Variants in ZNF618 observed in about 807,000 individuals in gnomAD.
ZNF618 encodes the protein zinc finger protein 618.
A neutral mutation model predicts 103.0 loss-of-function variants in ZNF618; 34 were observed. The ratio of observed to expected loss-of-function variants is 0.33; its 90% CI spans 0.25 to 0.44. ZNF618 has a LOEUF of 0.44. Ranked by LOEUF, ZNF618 falls within the 20% of genes least tolerant of loss-of-function variation. The pLI, the probability that ZNF618 is intolerant of heterozygous loss-of-function variation, is 1.00. For synonymous variants in ZNF618, 551 were observed against 542.2 expected, an observed-to-expected ratio of 1.02 and a Z score of -0.23; for missense variants, 1,059 against 1,295.4, an observed-to-expected ratio of 0.82 and a Z score of 2.80.
Position 114,049,421 on chromosome 9 carries a change from C to T in ZNF618, c.2119C>T (p.Arg707Cys), listed in dbSNP as rs368835232. The change falls in exon 15 of 15, where the codon CGC becomes TGC. Residue 707 changes from arginine (R) to cysteine (C), a missense_variant. By Grantham distance (180) the Arg-to-Cys change is radical. This residue lies in a region of ZNF618 where 272 missense variants were observed against 380.1 expected (regional missense o/e 0.72). Coordinates refer to ENST00000374126, the MANE Select transcript of ZNF618 (RefSeq NM_001318042.2). ...VTDSLLLVHERYEQICEFYSR... is the reference protein window; with the variant it reads ...VTDSLLLVHECYEQICEFYSR... ...GGACTCACTGTTGCTGGTGCATGAG[C>T]GCTATGAGCAGATCTGCGAGTTCTA... 1.9e-6 allele frequency: 3 copies of T among 1,603,452 alleles called. No homozygotes were observed. Among genetic ancestry groups the T allele is most frequent in the Non-Finnish European group, 1.7e-6 (2 of 1,175,248 alleles).
chr9:114,050,250 A>C lies in ZNF618; in HGVS notation c.*83A>C, dbSNP rs1846034247. ...CACAACACTGTCACAAAGAAAAGGA[A>C]TTTAAGTTCTAAACACTGTGGACCT... On this transcript the variant is annotated 3_prime_UTR_variant, in exon 15 of 15. Transcript: ENST00000374126. 4.1e-6 allele frequency: 6 copies of C among 1,464,382 alleles called. No individual in the cohort carries two copies. The highest frequency in any genetic ancestry group is 5.4e-6 in the Non-Finnish European group (6 of 1,102,732). 90.7% of individuals were successfully genotyped at this position (1,464,382 alleles called of 1,614,324 possible). A position where few individuals can be genotyped will look rare whatever the true frequency, so the allele number is the denominator to read the frequency against.
At chr9:114,039,340 GTTT>G (rs968810244) in intron 13 of ZNF618, among the ~76,000 whole-genome samples, 1 of 104,742 alleles carries the variant, frequency 9.5e-6, no homozygotes, top group Admixed American at 9.7e-5. Flanking sequence ...TTTCTTGTTT[GTTT>G]TTTTTTTTTT....
At chr9:113,889,346 T>TCCC (rs67471128) in intron 1 of ZNF618, among the ~76,000 whole-genome samples, 5 of 144,696 alleles carry the variant, frequency 3.5e-5, no homozygotes, top group East Asian at 3.1e-4. Context: ...TCTCTCTCTC[T>TCCC]TTCTCTCCCT....
intron 12 of ZNF618, among the ~76,000 whole-genome samples, chr9:114,033,389 AAGAGAG>A (rs10624141): frequency 0.024 from 3,603 of 147,132 alleles, 130 homozygotes; most frequent in African/African-American, 0.077. Flanking sequence ...CTGTCTCAAA[AAGAGAG>A]AGAGAGAGAG....
At chr9:113,878,716 TTGA>T (rs1828201094) in intron 1 of ZNF618, among the ~76,000 whole-genome samples, 1 of 152,152 alleles carries the variant, frequency 6.6e-6, no homozygotes, top group Non-Finnish European at 1.5e-5. Context: ...GGATTGGAAA[TTGA>T]TGGTGGGTCA....
chr9:113,909,893 T>G (rs1005242917), intron 1 of ZNF618, among the ~76,000 whole-genome samples: 1 of 152,096 alleles, frequency 6.6e-6, no homozygotes, highest in African/African-American at 2.4e-5. Flanking sequence ...CAAGTGATTC[T>G]TCTGCCTCAG....
chr9:114,002,533 C>T, intron 5 of ZNF618, 91 bp from the exon 6 acceptor site: 2 of 1,433,374 alleles, frequency 1.4e-6, no homozygotes, highest in Non-Finnish European at 1.9e-6. Context: ...AGCTCTTCCC[C>T]TGTGGCTTCC....
chr9:113,890,784 A>G (rs796765751), intron 1 of ZNF618, among the ~76,000 whole-genome samples: 18 of 152,236 alleles, frequency 1.2e-4, no homozygotes, highest in South Asian at 6.2e-4. Flanking sequence ...CTTATATTTT[A>G]TATCTTTGAT....
intron 4 of ZNF618, among the ~76,000 whole-genome samples, chr9:113,999,990 TG>T (rs1841018508): frequency 6.6e-6 from 1 of 152,236 alleles, no homozygotes; most frequent in Admixed American, 6.5e-5. Context: ...CATGGATTTA[TG>T]GAGCCCTCGC....
intron 1 of ZNF618, among the ~76,000 whole-genome samples, chr9:113,885,615 T>C (rs2130894313): frequency 6.6e-6 from 1 of 152,312 alleles, no homozygotes; most frequent in Non-Finnish European, 1.5e-5. Flanking sequence ...CAATCATGTA[T>C]GTGGCCTGCC....
chr9:113,884,914 A>C (rs1291560275), intron 1 of ZNF618, among the ~76,000 whole-genome samples: 1 of 152,194 alleles, frequency 6.6e-6, no homozygotes, highest in Non-Finnish European at 1.5e-5. Flanking sequence ...TTCACTCCTC[A>C]ACCAGTGCTT....
chr9:113,891,132 G>A (rs1829581345), intron 1 of ZNF618, among the ~76,000 whole-genome samples: 1 of 152,042 alleles, frequency 6.6e-6, no homozygotes, highest in Non-Finnish European at 1.5e-5. Context: ...GTGTGTTTTG[G>A]ATTCTTCGTG....
intron 1 of ZNF618, among the ~76,000 whole-genome samples, chr9:113,892,370 GAA>G (rs771182137): frequency 5.3e-5 from 8 of 152,158 alleles, no homozygotes; most frequent in Admixed American, 2.0e-4. Context: ...ATATGACAAG[GAA>G]AAAGTCTGTA....
chr9:114,045,399 T>G (rs140612679), intron 13 of ZNF618, among the ~76,000 whole-genome samples: 1 of 152,166 alleles, frequency 6.6e-6, no homozygotes, highest in East Asian at 1.9e-4. Flanking sequence ...TTTATATGTG[T>G]GTGAGGCGGG....
chr9:113,995,114 C>T (rs1840443282), intron 3 of ZNF618, among the ~76,000 whole-genome samples: 2 of 152,120 alleles, frequency 1.3e-5, no homozygotes. Context: ...GCTCATATTT[C>T]CAGTCCACTG....
chr9:114,037,646 C>T (rs1965753), intron 13 of ZNF618, among the ~76,000 whole-genome samples: 56,872 of 152,038 alleles, frequency 0.37, 11,733 homozygotes, highest in East Asian at 0.62. Context: ...TTGTACAAAT[C>T]TTTCACATCA....
At chr9:113,918,746 T>G (rs1832356479) in intron 1 of ZNF618, among the ~76,000 whole-genome samples, 1 of 152,194 alleles carries the variant, frequency 6.6e-6, no homozygotes, top group African/African-American at 2.4e-5. Context: ...CCTGTCATTC[T>G]TTGAGCATTT....
At chr9:114,004,592 C>T (rs962094850) in intron 6 of ZNF618, among the ~76,000 whole-genome samples, 6 of 152,206 alleles carry the variant, frequency 3.9e-5, no homozygotes, top group East Asian at 1.9e-4. Flanking sequence ...TTAGTCCTTC[C>T]GTCACTTTTC....
At chr9:113,946,185 A>G (rs114673735) in intron 1 of ZNF618, among the ~76,000 whole-genome samples, 2 of 152,192 alleles carry the variant, frequency 1.3e-5, no homozygotes, top group African/African-American at 4.8e-5. Context: ...GCAGCCAGGA[A>G]TATCAAGGCC....
Sources: allele counts gnomAD v4.1 joint callset (sites outside exome capture counted in the v4.1 genomes callset), GRCh38; gene constraint gnomAD v4.1.1; regional missense constraint gnomAD v4.1.1; transcripts MANE v1.5; gene names NCBI Gene and HGNC (gene_info 2026-07-23, HGNC 2026-07-21).